KIAA1958: variants seen among roughly 807,000 people sequenced by gnomAD.
The protein encoded by KIAA1958 is uncharacterized protein KIAA1958.
In KIAA1958, 14 loss-of-function variants were observed where a neutral mutation model predicts 47.2. The observed-to-expected ratio is 0.30, with a 90% CI of 0.20 to 0.46. The LOEUF (loss-of-function observed/expected upper bound fraction) is 0.46, where lower values mean the gene tolerates loss of function less well. Ranked by LOEUF, KIAA1958 falls within the 20% of genes least tolerant of loss-of-function variation. The pLI, the probability that KIAA1958 is intolerant of heterozygous loss-of-function variation, is 1.00. For missense variants in KIAA1958, 803 were observed against 909.2 expected, an observed-to-expected ratio of 0.88 and a Z score of 1.50; for synonymous variants, 354 against 353.3, an observed-to-expected ratio of 1.00 and a Z score of -0.02.
At chr9:112,487,940 T>TGTGC (rs1476827303) in intron 1 of KIAA1958, among the ~76,000 whole-genome samples, 2 of 86,326 alleles carry the variant, frequency 2.3e-5, no homozygotes, top group African/African-American at 1.2e-4. Context: ...GTATTTAGTG[T>TGTGC]GTGTGCGTGT....
chr9:112,520,932 CT>C (rs935042260), intron 1 of KIAA1958, among the ~76,000 whole-genome samples: 5 of 151,950 alleles, frequency 3.3e-5, no homozygotes, highest in African/African-American at 4.8e-5. Context: ...TTCTTTAAAT[CT>C]TTTTTTTCTT....
intron 1 of KIAA1958, among the ~76,000 whole-genome samples, chr9:112,509,715 G>A (rs1834292147): frequency 1.3e-5 from 2 of 152,230 alleles, no homozygotes; most frequent in Non-Finnish European, 2.9e-5. Flanking sequence ...ATGAAAGTTT[G>A]AAGTGGAAGA....
chr9:112,591,275 G>A (rs947869133), intron 2 of KIAA1958, among the ~76,000 whole-genome samples: 4 of 151,854 alleles, frequency 2.6e-5, no homozygotes, highest in Admixed American at 1.3e-4. Context: ...TAGTAGAGAC[G>A]GAGTTTCACT....
At chr9:112,588,201 A>G (rs1387637892) in intron 2 of KIAA1958, among the ~76,000 whole-genome samples, 1 of 152,224 alleles carries the variant, frequency 6.6e-6, no homozygotes, top group Non-Finnish European at 1.5e-5. Context: ...CTAAATATTC[A>G]GAACCACTAA....
rs71382445 is a variant in KIAA1958 at position 112,568,887 on chromosome 9, C to CA, written c.-24-5151dup. 2.4e-3 allele frequency among the ~76,000 whole-genome samples: 173 copies of CA among 73,112 alleles called. 2 individuals carry two copies. The highest frequency in any genetic ancestry group is 3.7e-3 in the Non-Finnish European group (149 of 40,234). The allele number at this position is 73,112 out of a possible 152,430, so 48.0% of individuals were successfully genotyped here. On this transcript the variant is annotated intron_variant, in intron 1 of 3. Transcript: ENST00000337530. ...TGGGCAACACAGCAAGACCTTGTCT[C>CA]AAAAAAAAAAAAAAAAAAATAGAGC...
At chr9:112,646,472 A>G (rs761391231) in intron 3 of KIAA1958, among the ~76,000 whole-genome samples, 1 of 152,254 alleles carries the variant, frequency 6.6e-6, no homozygotes, top group Non-Finnish European at 1.5e-5. Flanking sequence ...GAGAAGAAAC[A>G]TAATGAAAGT....
At chr9:112,506,992 A>G (rs755213273) in intron 1 of KIAA1958, among the ~76,000 whole-genome samples, 24 of 152,196 alleles carry the variant, frequency 1.6e-4, no homozygotes, top group African/African-American at 5.1e-4. Context: ...GTCACTTGGA[A>G]TATTTCTAGG....
chr9:112,596,328 T>C (rs897142743), intron 2 of KIAA1958, among the ~76,000 whole-genome samples: 2 of 152,128 alleles, frequency 1.3e-5, no homozygotes, highest in African/African-American at 4.8e-5. Context: ...TACCTAAAAT[T>C]ATATTTTACA....
intron 2 of KIAA1958, among the ~76,000 whole-genome samples, chr9:112,606,226 G>A (rs1836231751): frequency 6.6e-6 from 1 of 152,162 alleles, no homozygotes; most frequent in Non-Finnish European, 1.5e-5. Flanking sequence ...CAAGTTTGGG[G>A]ACAGATCCTA....
chr9:112,498,706 A>G (rs1834085041), intron 1 of KIAA1958, among the ~76,000 whole-genome samples: 1 of 152,208 alleles, frequency 6.6e-6, no homozygotes, highest in South Asian at 2.1e-4. Flanking sequence ...ACAACGTATA[A>G]TGATCAAATC....
chr9:112,525,658 ATTAC>A (rs952252213), intron 1 of KIAA1958, among the ~76,000 whole-genome samples: 16 of 152,118 alleles, frequency 1.1e-4, no homozygotes, highest in African/African-American at 3.6e-4. Context: ...AGGGAAATCT[ATTAC>A]TTAGTTCTTT....
intron 1 of KIAA1958, among the ~76,000 whole-genome samples, chr9:112,570,061 C>A (rs1835507001): frequency 6.6e-6 from 1 of 152,160 alleles, no homozygotes; most frequent in South Asian, 2.1e-4. Flanking sequence ...TTTGAAAGTG[C>A]AGTTTATTAG....
intron 1 of KIAA1958, among the ~76,000 whole-genome samples, chr9:112,525,956 T>C (rs1564159449): frequency 2.7e-5 from 1 of 36,994 alleles, no homozygotes; most frequent in African/African-American, 1.4e-4. Context: ...TTCTTCTTCT[T>C]CTTCTTCTTC....
intron 1 of KIAA1958, among the ~76,000 whole-genome samples, chr9:112,539,530 AG>A (rs1389299011): frequency 6.6e-6 from 1 of 151,950 alleles, no homozygotes; most frequent in African/African-American, 2.4e-5. Flanking sequence ...TGGGGTTGGG[AG>A]GGGGTAATTA....
intron 2 of KIAA1958, among the ~76,000 whole-genome samples, chr9:112,632,732 A>G (rs1451476257): frequency 6.6e-6 from 1 of 151,954 alleles, no homozygotes; most frequent in Non-Finnish European, 1.5e-5. Flanking sequence ...TATGTTTTAT[A>G]AGTATTTTCT....
intron 2 of KIAA1958, among the ~76,000 whole-genome samples, chr9:112,583,012 G>T (rs926224278): frequency 6.6e-6 from 1 of 152,228 alleles, no homozygotes; most frequent in Non-Finnish European, 1.5e-5. Context: ...AGGTGATTTT[G>T]TATGCGCATT....
chr9:112,662,071 C>T lies in KIAA1958; in HGVS notation c.*2002C>T, dbSNP rs1252896467. On this transcript the variant is annotated 3_prime_UTR_variant, in exon 4 of 4. Transcript: ENST00000337530. ...CACTGGGATCTTTTCGGATTTTGAC[C>T]TTTTCAAAGGTAGCAATAACTACTC... 3 of 152,100 alleles carry T rather than the reference C, an allele frequency of 2.0e-5. No homozygotes were observed. The highest frequency in any genetic ancestry group is 4.8e-5 in the African/African-American group (2 of 41,410). 9.4% of individuals were successfully genotyped at this position (152,100 alleles called of 1,614,324 possible).
chr9:112,522,420 A>G (rs1005926204), intron 1 of KIAA1958, among the ~76,000 whole-genome samples: 1 of 152,134 alleles, frequency 6.6e-6, no homozygotes, highest in Non-Finnish European at 1.5e-5. Context: ...CCTGTTTAAT[A>G]TCTCTTCCAC....
rs774258787 is a variant in KIAA1958 at position 112,659,830 on chromosome 9, T to C, written c.1912T>C (p.Tyr638His). 1 of 1,614,094 alleles carries C rather than the reference T, an allele frequency of 6.2e-7. No homozygotes were observed. The highest frequency in any genetic ancestry group is 8.5e-7 in the Non-Finnish European group (1 of 1,180,004). Reference protein sequence around the residue: ...CPYCLLYKYMYIHRPPTQMEA... With the variant: ...CPYCLLYKYMHIHRPPTQMEA... ...TTACTGCCTCCTCTACAAGTACATG[T>C]ACATCCACCGGCCGCCCACCCAAAT... Residue 638 changes from tyrosine to histidine, a missense_variant, in exon 4 of 4, where the codon TAC becomes CAC. By Grantham distance (83) the Tyr-to-His change is moderately conservative. This residue lies in a region of KIAA1958 where 761 missense variants were observed against 829.3 expected (regional missense o/e 0.92). Coordinates refer to ENST00000337530, the MANE Select transcript of KIAA1958 (RefSeq NM_133465.4).
Sources: gnomAD v4.1 joint callset for allele counts (sites outside exome capture counted in the v4.1 genomes callset) on GRCh38, gnomAD v4.1.1 for gene constraint, gnomAD v4.1.1 regional missense constraint, MANE v1.5 for transcripts, NCBI Gene and HGNC (gene_info 2026-07-23, HGNC 2026-07-21) for gene names.